The following TNIK variants were observed in gnomAD, a reference collection of about 807,000 sequenced individuals.
The protein encoded by TNIK is TRAF2 and NCK-interacting protein kinase.
TNIK carries 49 observed loss-of-function variants against 191.3 expected under a neutral mutation model. That is an observed-to-expected ratio of 0.26 (90% CI 0.20 to 0.32). The LOEUF (loss-of-function observed/expected upper bound fraction) is 0.32. Ranked by LOEUF, TNIK falls within the 10% of genes least tolerant of loss-of-function variation. TNIK has a pLI of 1.00. For synonymous variants in TNIK, 594 were observed against 600.9 expected, an observed-to-expected ratio of 0.99 and a Z score of 0.17; for missense variants, 1,155 against 1,702.3, an observed-to-expected ratio of 0.68 and a Z score of 5.66.
At chr3:171,427,228 C>T (rs923367144) in intron 1 of TNIK, among the ~76,000 whole-genome samples, 1 of 152,134 alleles carries the variant, frequency 6.6e-6, no homozygotes, top group African/African-American at 2.4e-5. Flanking sequence ...AGCTCCTCTC[C>T]ATCTCAGCAG....
chr3:171,322,498 A>AT (rs1287032616), intron 2 of TNIK, among the ~76,000 whole-genome samples: 9 of 152,148 alleles, frequency 5.9e-5, no homozygotes, highest in Admixed American at 5.2e-4. Flanking sequence ...AAAGTACATC[A>AT]TTTTTGTAGT....
intron 7 of TNIK, among the ~76,000 whole-genome samples, chr3:171,182,420 A>G (rs1736782787): frequency 6.6e-6 from 1 of 152,122 alleles, no homozygotes; most frequent in African/African-American, 2.4e-5. Context: ...CACAGGAGAC[A>G]AGCAAGGGAA....
At chr3:171,351,421 A>C (rs986886584) in intron 2 of TNIK, among the ~76,000 whole-genome samples, 4 of 152,128 alleles carry the variant, frequency 2.6e-5, no homozygotes, top group Non-Finnish European at 5.9e-5. Flanking sequence ...TATATAATTA[A>C]TCAAAAGAAC....
intron 4 of TNIK, among the ~76,000 whole-genome samples, chr3:171,196,094 C>T (rs1048862010): frequency 9.9e-5 from 15 of 152,140 alleles, no homozygotes; most frequent in Non-Finnish European, 2.2e-4. Context: ...AAATAACAAA[C>T]TAACTAAGAG....
At chr3:171,444,012 T>C (rs1354877912) in intron 1 of TNIK, among the ~76,000 whole-genome samples, 2 of 152,156 alleles carry the variant, frequency 1.3e-5, no homozygotes, top group Non-Finnish European at 2.9e-5. Context: ...TCCTTCAAAA[T>C]AGTTCTTCTA....
At chr3:171,154,381 T>C (rs1037461013) in intron 12 of TNIK, among the ~76,000 whole-genome samples, 2 of 152,178 alleles carry the variant, frequency 1.3e-5, no homozygotes, top group African/African-American at 2.4e-5. Flanking sequence ...CATGAGAATG[T>C]TGGTGTCCTG....
chr3:171,229,569 A>G (rs1368637312), intron 2 of TNIK, among the ~76,000 whole-genome samples: 1 of 152,174 alleles, frequency 6.6e-6, no homozygotes, highest in Non-Finnish European at 1.5e-5. Flanking sequence ...GAGACCACCT[A>G]TATCTTTGTG....
At position 171,087,453 on chromosome 3, in the gene TNIK, G is replaced by A; in HGVS notation, c.2775C>T (p.Gly925=). The change falls in exon 24 of 33, where the codon GGC becomes GGT. Residue 925 remains glycine (G), a synonymous_variant. Transcript: ENST00000436636. ...SGHSDSNGFA[G]HINLPDLVQQ... ...GCACCAGGTCAGGGAGGTTGATGTGGCCAGCAAAGCCATTGCTGTCACTGT... is the reference window on the plus strand; with the variant it reads ...GCACCAGGTCAGGGAGGTTGATGTGACCAGCAAAGCCATTGCTGTCACTGT... The A allele has an allele frequency of 6.2e-7, 1 of 1,613,926 alleles. No homozygotes were observed. The highest frequency in any genetic ancestry group is 8.5e-7 in the Non-Finnish European group (1 of 1,179,868).
At chr3:171,220,529 A>G (rs546952746) in intron 3 of TNIK, among the ~76,000 whole-genome samples, 21 of 152,254 alleles carry the variant, frequency 1.4e-4, no homozygotes, top group Admixed American at 3.3e-4. Flanking sequence ...AAAGAGGGGA[A>G]TGAATATGAG....
chr3:171,448,470 T>C (rs1727779091), intron 1 of TNIK, among the ~76,000 whole-genome samples: 1 of 152,200 alleles, frequency 6.6e-6, no homozygotes, highest in Non-Finnish European at 1.5e-5. Flanking sequence ...AAATATTCCA[T>C]TGTAAGGATA....
chr3:171,347,214 A>G, intron 2 of TNIK: 3 of 1,460,020 alleles, frequency 2.1e-6, no homozygotes, highest in Non-Finnish European at 2.7e-6. Flanking sequence ...TCACTGGTTC[A>G]TTTGCTGAAA....
intron 15 of TNIK, among the ~76,000 whole-genome samples, chr3:171,132,037 G>A (rs1729376617): frequency 6.6e-6 from 1 of 152,192 alleles, no homozygotes; most frequent in South Asian, 2.1e-4. Context: ...GGAACAACAA[G>A]ATATGTTTCA....
At chr3:171,203,222 T>C (rs923278210) in intron 4 of TNIK, among the ~76,000 whole-genome samples, 8 of 152,182 alleles carry the variant, frequency 5.3e-5, no homozygotes, top group African/African-American at 1.7e-4. Context: ...GCTATAACAA[T>C]GTAAATCCAA....
At chr3:171,459,675 T>TAC (rs58614773) in intron 1 of TNIK, among the ~76,000 whole-genome samples, 18,527 of 146,260 alleles carry the variant, frequency 0.13, 1,318 homozygotes, top group Non-Finnish European at 0.16. Context: ...CCGGGGCGTG[T>TAC]ACACACACAC....
chr3:171,296,065 A>T (rs182934045), intron 2 of TNIK, among the ~76,000 whole-genome samples: 58 of 152,350 alleles, frequency 3.8e-4, no homozygotes, highest in African/African-American at 1.3e-3. Context: ...AATGTAGAAC[A>T]GTATGTGTCA....
chr3:171,106,941 G>A (rs1431540642), intron 21 of TNIK, among the ~76,000 whole-genome samples: 1 of 152,152 alleles, frequency 6.6e-6, no homozygotes, highest in Non-Finnish European at 1.5e-5. Context: ...CTTGTCATTA[G>A]CCAGACTGGA....
chr3:171,210,185 C>T (rs1375201125), intron 4 of TNIK, among the ~76,000 whole-genome samples: 1 of 152,024 alleles, frequency 6.6e-6, no homozygotes, highest in African/African-American at 2.4e-5. Flanking sequence ...GACGGAAGGA[C>T]AGAAGGTAGA....
chr3:171,316,577 C>T (rs1754620361), intron 2 of TNIK, among the ~76,000 whole-genome samples: 1 of 152,086 alleles, frequency 6.6e-6, no homozygotes, highest in Non-Finnish European at 1.5e-5. Flanking sequence ...CAAAGAGTAT[C>T]TAAAGGGATT....
intron 1 of TNIK, among the ~76,000 whole-genome samples, chr3:171,444,586 A>G (rs545863858): frequency 7.8e-4 from 118 of 151,752 alleles, no homozygotes; most frequent in African/African-American, 2.6e-3. Flanking sequence ...AAAAAAAAAA[A>G]AAAAAGAAAA....
Sources: gnomAD v4.1 joint callset for allele counts (sites outside exome capture counted in the v4.1 genomes callset) on GRCh38, gnomAD v4.1.1 for gene constraint, MANE v1.5 for transcripts, NCBI Gene and HGNC (gene_info 2026-07-23, HGNC 2026-07-21) for gene names.